Variants in ACLY observed in about 807,000 individuals in gnomAD.
ACLY encodes ATP citrate lyase, also known as ATP-citrate synthase.
ACLY carries 41 observed loss-of-function variants against 133.0 expected under a neutral mutation model. The observed-to-expected ratio is 0.31, with a 90% CI of 0.24 to 0.40. The LOEUF (loss-of-function observed/expected upper bound fraction) is 0.40. ACLY is among the 10% of genes least tolerant of loss of function. The pLI, the probability that ACLY is intolerant of heterozygous loss-of-function variation, is 1.00. For missense variants in ACLY, 1,046 were observed against 1,453.8 expected (o/e 0.72, Z 4.56); for synonymous variants, 495 against 549.3 (o/e 0.90, Z 1.38).
chr17:41,898,548 AG>A, intron 12 of ACLY, 82 bp downstream of exon 12: 1 of 1,513,996 alleles, frequency 6.6e-7, no homozygotes. Context: ...CTATGCCCCC[AG>A]GGAACAGAGG....
chr17:41,900,183 A>ACCC (rs2049496322), intron 11 of ACLY, among the ~76,000 whole-genome samples: 1 of 151,342 alleles, frequency 6.6e-6, no homozygotes. Flanking sequence ...ACACGGTGAA[A>ACCC]CCCCGTCTCT....
chr17:41,881,015 G>A (rs1234264415), intron 20 of ACLY, among the ~76,000 whole-genome samples: 1 of 152,044 alleles, frequency 6.6e-6, no homozygotes, highest in East Asian at 1.9e-4. Flanking sequence ...GTGGAAAGGG[G>A]GAGGGGCTGG....
chr17:41,874,813 T>TC (rs1417758918), intron 22 of ACLY, among the ~76,000 whole-genome samples: 1 of 149,908 alleles, frequency 6.7e-6, no homozygotes, highest in Non-Finnish European at 1.5e-5. Context: ...GACCTCATGA[T>TC]CCGCCTGCCT....
intron 3 of ACLY, 52 bp from the exon 4 acceptor site, chr17:41,910,336 C>A (rs781783778): frequency 6.5e-7 from 1 of 1,545,144 alleles, no homozygotes; most frequent in Admixed American, 1.8e-5. Context: ...CGTCTTGCCC[C>A]TAGGGCAGAA....
At chr17:41,883,009 A>T in intron 20 of ACLY, 113 bp downstream of exon 20, 1 of 860,212 alleles carries the variant, frequency 1.2e-6, no homozygotes, top group South Asian at 1.8e-5. Flanking sequence ...CAAGTAACAA[A>T]CGTTTCTTGA....
At chr17:41,901,918 C>T (rs925543583) in intron 10 of ACLY, 105 bp from the exon 11 acceptor site, 26 of 866,562 alleles carry the variant, frequency 3.0e-5, no homozygotes, top group Middle Eastern at 4.6e-4. Context: ...AGTGCTGCTC[C>T]TCAGGAAGCA....
At chr17:41,917,432 A>G (rs1165237695) in intron 1 of ACLY, among the ~76,000 whole-genome samples, 3 of 152,130 alleles carry the variant, frequency 2.0e-5, no homozygotes, top group Admixed American at 2.0e-4. Context: ...GTCTTTCTGC[A>G]GACGGGTGAG....
At chr17:41,887,127 G>GAAAAAAAAAAAAA (rs535668437) in intron 17 of ACLY, among the ~76,000 whole-genome samples, 1 of 110,378 alleles carries the variant, frequency 9.1e-6, no homozygotes, top group African/African-American at 4.0e-5. Flanking sequence ...CCGTCTCAAA[G>GAAAAAAAAAAAAA]AAAAAAAAAA....
In ACLY at chr17:41,878,853, C is replaced by T. The variant is rs1555626658; in HGVS notation, c.2337G>A (p.Leu779=). Residue 779 remains leucine, a synonymous_variant, in exon 21 of 29, where the codon TTG becomes TTA. Transcript: ENST00000352035. The stretch of plus-strand genomic sequence containing the variant: ...GGGGCACAAACACTCCTGCTTCCTT[C>T]AAAGCCTGGTTCTTGGCTACTGCAG... ...SETAVAKNQA[L]KEAGVFVPRS... is the part of the protein sequence containing the mutation. 2 of 1,614,004 alleles carry T rather than the reference C, an allele frequency of 1.2e-6. No homozygotes were observed. The highest frequency in any genetic ancestry group is 2.7e-5 in the African/African-American group (2 of 74,928).
chr17:41,915,606 G>C (rs1273845394), intron 1 of ACLY, among the ~76,000 whole-genome samples: 1 of 152,142 alleles, frequency 6.6e-6, no homozygotes, highest in Non-Finnish European at 1.5e-5. Context: ...TGGGGTAGCT[G>C]GGAAGGGGCT....
rs2048790510 is a variant in ACLY at position 41,877,392 on chromosome 17, C to A, written c.2487+711G>T. Among the ~76,000 whole-genome samples the A allele has an allele frequency of 2.6e-5, 4 of 152,042 alleles. No homozygotes were observed. The Middle Eastern group carries it at 0.014, about 524-fold the overall frequency. On this transcript the variant is annotated intron_variant, in intron 22 of 28. Transcript: ENST00000352035. ...TTTTGACCTCAGGTGATCCGCCCAC[C>A]CTGGCCTCCCAAAGTGCTGGGATTA...
At chr17:41,874,580 T>C (rs1421268023) in intron 22 of ACLY, among the ~76,000 whole-genome samples, 2 of 150,758 alleles carry the variant, frequency 1.3e-5, no homozygotes, top group South Asian at 4.2e-4. Flanking sequence ...GCTTCTTTTT[T>C]TTTTTTTTTT....
chr17:41,889,487 C>A (rs1355755639), intron 16 of ACLY, among the ~76,000 whole-genome samples: 2 of 114,180 alleles, frequency 1.8e-5, no homozygotes, highest in Admixed American at 2.6e-4. Context: ...CCGCTGTACT[C>A]ACTCTAGCTT....
At chr17:41,868,352 C>A (rs1459078208) in intron 28 of ACLY, among the ~76,000 whole-genome samples, 1 of 146,302 alleles carries the variant, frequency 6.8e-6, no homozygotes, top group Non-Finnish European at 1.5e-5. Context: ...GCAGGAGAAT[C>A]GCTTGAACCC....
At position 41,867,015 on chromosome 17, in the gene ACLY, A is replaced by G. The variant is rs1555623954; in HGVS notation, c.*795T>C. 1 of 152,670 alleles carries G rather than the reference A, an allele frequency of 6.6e-6. No homozygotes were observed. The highest frequency in any genetic ancestry group is 1.5e-5 in the Non-Finnish European group (1 of 68,050). 9.5% of individuals were successfully genotyped at this position (152,670 alleles called of 1,614,324 possible). ...TGCCCAGAATCTTTGTGGATTACAG[A>G]TGCAAAGTAGTTAGGAGTCCTTGGA... is the stretch of plus-strand genomic sequence containing the variant. On this transcript the variant is annotated 3_prime_UTR_variant, in exon 29 of 29. Coordinates refer to ENST00000352035, the MANE Select transcript of ACLY (RefSeq NM_001096.3).
At chr17:41,887,849 C>T (rs1257518446) in intron 16 of ACLY, 146 bp from the exon 17 acceptor site, 13 of 650,270 alleles carry the variant, frequency 2.0e-5, no homozygotes, top group Middle Eastern at 4.2e-4. Flanking sequence ...GCATATCAGC[C>T]GGGCGCGGTG....
At chr17:41,871,596 C>G (rs2048599583) in intron 25 of ACLY, 93 bp downstream of exon 25, 1 of 1,490,818 alleles carries the variant, frequency 6.7e-7, no homozygotes, top group Non-Finnish European at 9.2e-7. Context: ...CTCAAGTGAT[C>G]CACCTGCCTT....
In ACLY at chr17:41,914,535, C is replaced by T. The variant is rs554696075; in HGVS notation, c.-23-639G>A. 2.0e-5 allele frequency among the ~76,000 whole-genome samples: 3 copies of T among 152,282 alleles called. No individual in the cohort carries two copies. The East Asian group carries it at 5.8e-4, about 29-fold the overall frequency. ...GGAGTAGGGGAGGGGGGAGGATCAT[C>T]GCTAAGCTCTTTTCTCCTCTTTTCT... is the stretch of plus-strand genomic sequence containing the variant. On this transcript the variant is annotated intron_variant, in intron 1 of 28. Transcript: ENST00000352035.
chr17:41,874,714 C>T (rs1186255548), intron 22 of ACLY, among the ~76,000 whole-genome samples: 17 of 151,958 alleles, frequency 1.1e-4, no homozygotes, highest in African/African-American at 4.1e-4. Context: ...GCTGGGACTA[C>T]AGGCGCTTGC....
Sources: allele counts gnomAD v4.1 joint callset (sites outside exome capture counted in the v4.1 genomes callset), GRCh38; gene constraint gnomAD v4.1.1; transcripts MANE v1.5; gene names NCBI Gene and HGNC (gene_info 2026-07-23, HGNC 2026-07-21).